SYNE1: variants seen among roughly 807,000 people sequenced by gnomAD.
The protein encoded by SYNE1 is nesprin-1.
A neutral mutation model predicts 1,111.0 loss-of-function variants in SYNE1; 616 were observed. The observed-to-expected ratio is 0.55, with a 90% confidence interval of 0.52 to 0.59. SYNE1 has a LOEUF of 0.59. SYNE1 is among the 20% of genes least tolerant of loss of function. The pLI is 0.00. For synonymous variants in SYNE1, 3,855 were observed against 3,825.8 expected (o/e 1.01, Z -0.28); for missense variants, 10,006 against 10,417.0 (o/e 0.96, Z 1.72).
intron 3 of SYNE1, among the ~76,000 whole-genome samples, chr6:152,602,519 T>C (rs924515030): frequency 1.3e-5 from 2 of 152,158 alleles, no homozygotes; most frequent in Non-Finnish European, 2.9e-5. Flanking sequence ...TACTTTAATA[T>C]GACCATCCTA....
At chr6:152,154,332 T>G (rs909747312) in intron 133 of SYNE1, among the ~76,000 whole-genome samples, 15 of 152,156 alleles carry the variant, frequency 9.9e-5, no homozygotes, top group African/African-American at 3.6e-4. Flanking sequence ...TTCATCTCAG[T>G]GTAATTGAAA....
At chr6:152,140,762 G>A (rs1452053489) in intron 139 of SYNE1, among the ~76,000 whole-genome samples, 2 of 152,158 alleles carry the variant, frequency 1.3e-5, no homozygotes, top group African/African-American at 2.4e-5. Flanking sequence ...GGCCAGGTGT[G>A]GTGGCTCACG....
chr6:152,291,155 T>G (rs1284208237), intron 95 of SYNE1, among the ~76,000 whole-genome samples: 20 of 121,296 alleles, frequency 1.6e-4, no homozygotes, highest in Non-Finnish European at 2.8e-4. Context: ...TGCAATTATA[T>G]TAATATGATA....
intron 145 of SYNE1, chr6:152,125,594 G>A (rs2053121560): frequency 2.4e-6 from 1 of 424,708 alleles, no homozygotes; most frequent in Non-Finnish European, 4.1e-6. Context: ...TTTAAAATAT[G>A]CCCTGGCAAC....
chr6:152,219,748 G>A (rs565004692), intron 119 of SYNE1, among the ~76,000 whole-genome samples: 23 of 152,302 alleles, frequency 1.5e-4, no homozygotes, highest in Middle Eastern at 3.4e-3. Context: ...GGTGAGCAGG[G>A]GGTGAGAGTA....
rs758516967 is a variant in SYNE1 at position 152,330,222 on chromosome 6, C to T, written c.14463G>A (p.Leu4821=). ...TCCCTGAGTCCTGGAGACTTCCTGC[C>T]AGGGAGTGATACATTTTGAGCTTCT... The part of the protein sequence containing the change: ...AEEKLKMYHS[L]AGSLQDSGIV... Residue 4821 remains leucine (L), a synonymous_variant, in exon 78 of 146, where the codon CTG becomes CTA. Coordinates refer to ENST00000367255, the MANE Select transcript of SYNE1 (RefSeq NM_182961.4). 4 of 1,614,122 alleles carry T rather than the reference C, an allele frequency of 2.5e-6. No homozygotes were observed. Among genetic ancestry groups the T allele is most frequent in the Non-Finnish European group, 2.5e-6 (3 of 1,180,026 alleles).
intron 91 of SYNE1, among the ~76,000 whole-genome samples, chr6:152,304,212 T>C (rs1401397906): frequency 1.3e-5 from 2 of 152,240 alleles, no homozygotes; most frequent in Non-Finnish European, 2.9e-5. Flanking sequence ...TGACATTTAC[T>C]GCAACTAGTT....
intron 3 of SYNE1, among the ~76,000 whole-genome samples, chr6:152,570,788 T>C (rs2099449291): frequency 6.6e-6 from 1 of 152,170 alleles, no homozygotes; most frequent in Non-Finnish European, 1.5e-5. Context: ...CTTACTATCA[T>C]GGTAAGAAGT....
At chr6:152,435,758 G>T in intron 33 of SYNE1, 183 bp downstream of exon 33, 1 of 717,654 alleles carries the variant, frequency 1.4e-6, no homozygotes, top group Non-Finnish European at 2.3e-6. Context: ...TTTGGGCTCT[G>T]TTATAGATAT....
chr6:152,606,964 C>T (rs544830733), intron 3 of SYNE1, among the ~76,000 whole-genome samples: 1 of 136,162 alleles, frequency 7.3e-6, no homozygotes, highest in African/African-American at 2.8e-5. Flanking sequence ...AAAGGAAAGG[C>T]ATGCCTCGGT....
Position 152,398,668 on chromosome 6 carries a change from T to A in SYNE1, c.7301A>T (p.Asp2434Val). The change falls in exon 49 of 146, where the codon GAT becomes GTT. Residue 2434 changes from aspartate to valine, a missense_variant. Transcript: ENST00000367255. ...TAGAACTTTGCTGTCACCGGTGCGA[T>A]CTGATGATTCTTTTGCTGCTGCCTT... ...GAKAAAKESSDRTGDSKVLEA... is the reference protein window; with the variant it reads ...GAKAAAKESSVRTGDSKVLEA... 1 of 1,614,080 alleles carries A rather than the reference T, an allele frequency of 6.2e-7. No homozygotes were observed. Among genetic ancestry groups the A allele is most frequent in the East Asian group, 2.2e-5 (1 of 44,874 alleles).
intron 3 of SYNE1, among the ~76,000 whole-genome samples, chr6:152,579,629 C>T (rs1252743882): frequency 6.6e-6 from 1 of 152,072 alleles, no homozygotes; most frequent in Admixed American, 6.6e-5. Flanking sequence ...AGGTAATGAG[C>T]GTAGTACTCA....
chr6:152,464,719 A>T (rs1046923178), intron 18 of SYNE1: 69 of 160,758 alleles, frequency 4.3e-4, no homozygotes, highest in African/African-American at 1.6e-3. Flanking sequence ...CATATAAGTG[A>T]CATTAACATA....
Position 152,409,675 on chromosome 6 carries a change from T to C in SYNE1, c.6265A>G (p.Arg2089Gly), listed in dbSNP as rs1488630819. ...GQCCGLIDLM[R>G]EYQNLKSAVS... ...GCTGATTTCAGGTTCTGATATTCTC[T>C]CATTAAGTCAATAAGTCCACAGCAC... The change falls in exon 43 of 146, where the codon AGA becomes GGA. Residue 2089 changes from arginine (R) to glycine (G), a missense_variant. Around this residue, in one of 7 missense-constraint regions of SYNE1, gnomAD observed 4,955 missense variants for 5,017.2 expected, o/e 0.99. Transcript: ENST00000367255. The C allele has an allele frequency of 1.2e-6, 2 of 1,613,718 alleles. No individual in the cohort carries two copies. The highest frequency in any genetic ancestry group is 1.7e-6 in the Non-Finnish European group (2 of 1,179,948).
chr6:152,176,862 A>T (rs1296409859), intron 129 of SYNE1, among the ~76,000 whole-genome samples: 1 of 152,176 alleles, frequency 6.6e-6, no homozygotes, highest in African/African-American at 2.4e-5. Context: ...AATAAAACTT[A>T]AAAGATTTTA....
At chr6:152,468,509 A>G (rs1481990947) in intron 16 of SYNE1, among the ~76,000 whole-genome samples, 1 of 152,230 alleles carries the variant, frequency 6.6e-6, no homozygotes, top group Non-Finnish European at 1.5e-5. Context: ...ATCACTTACC[A>G]ATGGCATGTG....
intron 3 of SYNE1, among the ~76,000 whole-genome samples, chr6:152,542,678 T>A (rs2099277341): frequency 6.6e-6 from 1 of 152,118 alleles, no homozygotes; most frequent in Admixed American, 6.5e-5. Context: ...CATTATACTG[T>A]CACTCAAGGG....
intron 3 of SYNE1, among the ~76,000 whole-genome samples, chr6:152,564,683 T>G (rs1267412477): frequency 2.6e-5 from 4 of 151,668 alleles, no homozygotes; most frequent in Non-Finnish European, 5.9e-5. Context: ...ATGTTAACTA[T>G]TCTCATGATT....
Position 152,122,317 on chromosome 6 carries a change from A to G in SYNE1, c.*119T>C. The G allele has an allele frequency of 1.9e-6, 3 of 1,551,468 alleles. No homozygotes were observed. The highest frequency in any genetic ancestry group is 2.7e-6 in the Non-Finnish European group (3 of 1,128,454). On this transcript the variant is annotated 3_prime_UTR_variant, in exon 146 of 146. Coordinates refer to ENST00000367255, the MANE Select transcript of SYNE1 (RefSeq NM_182961.4). The stretch of plus-strand genomic sequence containing the variant: ...CACACATGTGATCTGGAGGAGGGCT[A>G]AAGCTGCCACACCGAGGGCTTTCGC...
Sources: allele counts gnomAD v4.1 joint callset (sites outside exome capture counted in the v4.1 genomes callset), GRCh38; gene constraint gnomAD v4.1.1; regional missense constraint gnomAD v4.1.1; transcripts MANE v1.5; gene names NCBI Gene and HGNC (gene_info 2026-07-23, HGNC 2026-07-21).